The following TMEM184B variants were observed in gnomAD, a reference collection of about 807,000 sequenced individuals.
TMEM184B encodes the protein transmembrane protein 184B, also known as putative MAPK-activating protein FM08.
In TMEM184B, 17 loss-of-function variants were observed where a neutral mutation model predicts 41.8. The ratio of observed to expected loss-of-function variants is 0.41; its 90% CI spans 0.28 to 0.61. The LOEUF (loss-of-function observed/expected upper bound fraction) is 0.61. TMEM184B is among the 20% of genes least tolerant of loss of function. The pLI, the probability that TMEM184B is intolerant of heterozygous loss-of-function variation, is 0.34. For synonymous variants in TMEM184B, 240 were observed against 229.5 expected (o/e 1.05, Z -0.41); for missense variants, 393 against 557.8 (o/e 0.70, Z 2.98).
Position 38,221,428 on chromosome 22 carries a change from C to G in TMEM184B, c.*41G>C. The G allele has an allele frequency of 6.4e-7, 1 of 1,557,462 alleles. No homozygotes were observed. The highest frequency in any genetic ancestry group is 1.2e-5 in the South Asian group (1 of 82,184). On this transcript the variant is annotated 3_prime_UTR_variant, in exon 9 of 9. Transcript: ENST00000361906. ...GGCTGGAGGTGGGGCACAGCCTGAC[C>G]GTGGCTATGGCGCCAGCACTTCCGC...
rs1180961288 is a variant in TMEM184B, at chr22:38,221,038, G to C, written c.*431C>G. 7 of 1,012,722 alleles carry C rather than the reference G, an allele frequency of 6.9e-6. No homozygotes were observed. Among genetic ancestry groups the C allele is most frequent in the Non-Finnish European group, 5.9e-6 (5 of 847,440 alleles). 62.7% of individuals were successfully genotyped at this position (1,012,722 alleles called of 1,614,324 possible). On this transcript the variant is annotated 3_prime_UTR_variant, in exon 9 of 9. Coordinates refer to ENST00000361906, the MANE Select transcript of TMEM184B (RefSeq NM_012264.5). ...GAGGGATGCAGGCGGGAAGAGCCCAGGTCAGACAGGGTATTGCACGGTGTG... is the reference window on the plus strand; with the variant it reads ...GAGGGATGCAGGCGGGAAGAGCCCACGTCAGACAGGGTATTGCACGGTGTG...
chr22:38,216,969 G>A (rs1457527881), downstream of TMEM184B, among the ~76,000 whole-genome samples: 1 of 152,010 alleles, frequency 6.6e-6, no homozygotes, highest in Non-Finnish European at 1.5e-5. Flanking sequence ...GATCACTTGA[G>A]GCCAGGAGTT....
At chr22:38,253,050 G>A (rs866108459) in intron 1 of TMEM184B, among the ~76,000 whole-genome samples, 2 of 152,194 alleles carry the variant, frequency 1.3e-5, no homozygotes, top group South Asian at 4.1e-4. Context: ...GCTGAGGCAG[G>A]AGAATGGCGT....
downstream of TMEM184B, among the ~76,000 whole-genome samples, chr22:38,218,752 C>T (rs183837337): frequency 2.7e-4 from 41 of 152,348 alleles, no homozygotes; most frequent in Admixed American, 2.5e-3. Context: ...GCTATTTACC[C>T]GCCTCGGGAG....
rs920173424 is a variant in TMEM184B at position 38,221,026 on chromosome 22, G to A, written c.*443C>T. 2.7e-5 allele frequency: 27 copies of A among 1,005,430 alleles called. No individual in the cohort carries two copies. The highest frequency in any genetic ancestry group is 5.5e-5 in the Admixed American group (1 of 18,266). 62.3% of individuals were successfully genotyped at this position (1,005,430 alleles called of 1,614,324 possible). A position where few individuals can be genotyped will look rare whatever the true frequency, so the allele number is the denominator to read the frequency against. On this transcript the variant is annotated 3_prime_UTR_variant, in exon 9 of 9. Coordinates refer to ENST00000361906, the MANE Select transcript of TMEM184B (RefSeq NM_012264.5). ...AGGTGGACAGGGGAGGGATGCAGGC[G>A]GGAAGAGCCCAGGTCAGACAGGGTA...
At position 38,226,636 on chromosome 22, in the gene TMEM184B, TCA is replaced by T; in HGVS notation, c.617+141_617+142del. ...ACTGCAAGGGTGTCCACTGCTGGGCTCAGACTTCAGGGGGGTTGTGAGCACCA... is the reference window on the plus strand; with the variant it reads ...ACTGCAAGGGTGTCCACTGCTGGGCTGACTTCAGGGGGGTTGTGAGCACCA... On this transcript the variant is annotated intron_variant, in intron 6 of 8. Transcript: ENST00000361906. This position sits in a 1 kb window ranked among gnomAD's most constrained non-coding sequence, Gnocchi z 4.6. 1 of 800,192 alleles carries T rather than the reference TCA, an allele frequency of 1.2e-6. No homozygotes were observed. The highest frequency in any genetic ancestry group is 2.4e-5 in the Admixed American group (1 of 41,992). The allele number at this position is 800,192 out of a possible 1,614,324, so 49.6% of individuals were successfully genotyped here. A position where few individuals can be genotyped will look rare whatever the true frequency, so the allele number is the denominator to read the frequency against.
chr22:38,258,732 T>C (rs913467663), intron 1 of TMEM184B, among the ~76,000 whole-genome samples: 2 of 152,168 alleles, frequency 1.3e-5, no homozygotes, highest in Non-Finnish European at 2.9e-5. Flanking sequence ...CTAAGGAAGA[T>C]AGTTTTAAAG....
chr22:38,230,243 T>C (rs376123842), intron 5 of TMEM184B, among the ~76,000 whole-genome samples: 48 of 152,274 alleles, frequency 3.2e-4, no homozygotes, highest in Non-Finnish European at 4.9e-4. Flanking sequence ...AGCGGCTGGA[T>C]TGCCAACCAG....
intron 5 of TMEM184B, among the ~76,000 whole-genome samples, chr22:38,229,127 C>T (rs2091536326): frequency 6.6e-6 from 1 of 152,244 alleles, no homozygotes; most frequent in Admixed American, 6.5e-5. Context: ...GTGGCCTGGG[C>T]CCTGCACAGA....
Position 38,239,754 on chromosome 22 carries a change from C to T in TMEM184B, c.358+6181G>A, listed in dbSNP as rs990357300. ...GAATACGAAGGGCGAGAGGTCCTCT[C>T]AGATCTCTGCCACGCTGTACCAGTC... On this transcript the variant is annotated intron_variant, in intron 3 of 8. Transcript: ENST00000361906. This position sits in a 1 kb window ranked among gnomAD's most constrained non-coding sequence, Gnocchi z 4.6. 2.6e-5 allele frequency among the ~76,000 whole-genome samples: 4 copies of T among 152,162 alleles called. No individual in the cohort carries two copies. The highest frequency in any genetic ancestry group is 9.7e-5 in the African/African-American group (4 of 41,434).
At chr22:38,272,596 C>G (rs920623540) in intron 1 of TMEM184B, 3 of 985,476 alleles carry the variant, frequency 3.0e-6, no homozygotes, top group African/African-American at 3.5e-5. Context: ...GGCCGCCCCC[C>G]GGACAGGTCC....
At position 38,248,806 on chromosome 22, in the gene TMEM184B, G is replaced by A. The variant is rs553343924; in HGVS notation, c.-58-787C>T. ...GGCCTGAACATCTTTATACCCTGGA[G>A]CCAGTAAAACCACTTTACTGCTGAG... is the stretch of plus-strand genomic sequence containing the variant. On this transcript the variant is annotated intron_variant, in intron 1 of 8. Transcript: ENST00000361906. 2.0e-5 allele frequency among the ~76,000 whole-genome samples: 3 copies of A among 152,278 alleles called. No individual in the cohort carries two copies. The South Asian group carries it at 6.2e-4, about 32-fold the overall frequency.
intron 1 of TMEM184B, 127 bp downstream of exon 1, chr22:38,272,757 C>G (rs1432457680): frequency 2.0e-6 from 2 of 985,208 alleles, no homozygotes; most frequent in Non-Finnish European, 2.4e-6. Context: ...GTGCCCTCCC[C>G]GCCCGGGAGC....
chr22:38,260,559 G>A (rs1339953640), intron 1 of TMEM184B, among the ~76,000 whole-genome samples: 1 of 151,954 alleles, frequency 6.6e-6, no homozygotes, highest in African/African-American at 2.4e-5. Context: ...CTTTGCCACT[G>A]GCTAGCTTTG....
intron 1 of TMEM184B, among the ~76,000 whole-genome samples, chr22:38,267,393 G>T (rs1569059744): frequency 6.6e-6 from 1 of 151,630 alleles, no homozygotes; most frequent in Non-Finnish European, 1.5e-5. Flanking sequence ...GAGCACCACC[G>T]GCTCCTGGAA....
chr22:38,239,942 AT>A lies in TMEM184B; in HGVS notation c.358+5992del, dbSNP rs879493569. ...CATCACCCAATCAGGAGGTCCAGCA[AT>A]TTTTTTTTTTTCTGGGGCGGGTAGA... is the stretch of plus-strand genomic sequence containing the variant. On this transcript the variant is annotated intron_variant, in intron 3 of 8. Transcript: ENST00000361906. The surrounding 1 kb of genome is among the most constrained non-coding windows in gnomAD (Gnocchi z 4.6). 0.012 allele frequency among the ~76,000 whole-genome samples: 1,712 copies of A among 147,378 alleles called. 37 individuals are homozygous for A. Among genetic ancestry groups the A allele is most frequent in the African/African-American group, 0.04 (1,630 of 40,432 alleles).
Position 38,228,781 on chromosome 22 carries a change from C to T in TMEM184B, c.525+1888G>A, listed in dbSNP as rs558577616. ...TTTCTTCTTATATCTCTCCCTGCCA[C>T]CGCCAGGAACAAGAACAGAACATCT... is the stretch of plus-strand genomic sequence containing the variant. On this transcript the variant is annotated intron_variant, in intron 5 of 8. Coordinates refer to ENST00000361906, the MANE Select transcript of TMEM184B (RefSeq NM_012264.5). Among the ~76,000 whole-genome samples the T allele has an allele frequency of 3.1e-4, 47 of 152,300 alleles. No homozygotes were observed. The South Asian group carries it at 6.0e-3, about 19-fold the overall frequency.
At chr22:38,245,905 CAGCCCT>C in intron 3 of TMEM184B, 24 bp downstream of exon 3, 12 of 1,479,398 alleles carry the variant, frequency 8.1e-6, no homozygotes, top group Non-Finnish European at 1.1e-5. Context: ...AGCCCCCCGC[CAGCCCT>C]CCCCACTCCG....
Position 38,220,262 on chromosome 22 carries a change from T to C in TMEM184B, c.*1207A>G, listed in dbSNP as rs58135276. ...TGGTCCTGACCACTCCTGAGGCCTG[T>C]CCAAGGGCTCTGGGCCCAGCACTGC... is the stretch of plus-strand genomic sequence containing the variant. On this transcript the variant is annotated 3_prime_UTR_variant, in exon 9 of 9. Transcript: ENST00000361906. 8,303 of 985,794 alleles carry C rather than the reference T, an allele frequency of 8.4e-3. 36 individuals are homozygous for C. The highest frequency in any genetic ancestry group is 0.015 in the Middle Eastern group (28 of 1,916). The allele number at this position is 985,794 out of a possible 1,614,324, so 61.1% of individuals were successfully genotyped here. A position where few individuals can be genotyped will look rare whatever the true frequency, so the allele number is the denominator to read the frequency against.
Sources: allele counts gnomAD v4.1 joint callset (sites outside exome capture counted in the v4.1 genomes callset), GRCh38; gene constraint gnomAD v4.1.1; non-coding constraint Gnocchi (gnomAD v3.1); transcripts MANE v1.5; gene names NCBI Gene and HGNC (gene_info 2026-07-23, HGNC 2026-07-21).